Variants in CREB5 observed in about 807,000 individuals in gnomAD.
CREB5 encodes the protein cAMP responsive element binding protein 5, also known as cyclic AMP-responsive element-binding protein 5.
In CREB5, 19 loss-of-function variants were observed where a neutral mutation model predicts 57.1. The observed-to-expected ratio is 0.33, with a 90% CI of 0.23 to 0.49. CREB5 has a LOEUF of 0.49. Ranked by LOEUF, CREB5 falls within the 20% of genes least tolerant of loss-of-function variation. The pLI is 0.99. For synonymous variants in CREB5, 238 were observed against 238.3 expected (o/e 1.00, Z 0.01); for missense variants, 579 against 671.6 (o/e 0.86, Z 1.52).
chr7:28,613,020 C>G (rs1243208207), intron 5 of CREB5, among the ~76,000 whole-genome samples: 2 of 151,958 alleles, frequency 1.3e-5, no homozygotes, highest in Non-Finnish European at 2.9e-5. Context: ...TTGGAGTTAC[C>G]CAGGGGACTA....
chr7:28,469,329 C>T (rs1386415963), intron 1 of CREB5, among the ~76,000 whole-genome samples: 1 of 152,152 alleles, frequency 6.6e-6, no homozygotes, highest in Non-Finnish European at 1.5e-5. Context: ...TTTACTGAAT[C>T]CTGTTGTGCC....
At chr7:28,510,489 A>G (rs1792661777) in intron 4 of CREB5, among the ~76,000 whole-genome samples, 1 of 152,200 alleles carries the variant, frequency 6.6e-6, no homozygotes, top group South Asian at 2.1e-4. Flanking sequence ...TGTCTTACAC[A>G]AAAAATATTG....
chr7:28,600,317 C>T (rs1167324762), intron 5 of CREB5, among the ~76,000 whole-genome samples: 2 of 152,116 alleles, frequency 1.3e-5, no homozygotes, highest in African/African-American at 4.8e-5. Flanking sequence ...CATCTCCTCC[C>T]GTGTCCAGCT....
chr7:28,724,359 C>T lies in CREB5; in HGVS notation c.702+27C>T, dbSNP rs190133221. 1.4e-4 allele frequency: 222 copies of T among 1,567,236 alleles called. 3 individuals carry two copies. The Middle Eastern group carries it at 1.8e-3, about 13-fold the overall frequency. On this transcript the variant is annotated intron_variant, in intron 7 of 10. Transcript: ENST00000357727. ...TAAGTAACAGTTATAATCACCCTTT[C>T]ATTATTCTGTGACTTTTTCTTTTGA...
chr7:28,415,196 G>A (rs1354822885), intron 1 of CREB5, among the ~76,000 whole-genome samples: 6 of 152,078 alleles, frequency 3.9e-5, no homozygotes, highest in African/African-American at 1.5e-4. Context: ...GTTCTTTTAG[G>A]CCTAGAGATT....
chr7:28,739,429 C>T (rs1209132944), intron 7 of CREB5, among the ~76,000 whole-genome samples: 2 of 151,960 alleles, frequency 1.3e-5, no homozygotes, highest in Admixed American at 6.6e-5. Flanking sequence ...TGAGCTGAAA[C>T]CTGGAGATAC....
intron 1 of CREB5, among the ~76,000 whole-genome samples, chr7:28,339,254 C>T (rs1428338960): frequency 6.6e-6 from 1 of 152,024 alleles, no homozygotes; most frequent in African/African-American, 2.4e-5. Flanking sequence ...TGTTTGTAGC[C>T]ATCCTTCTTG....
intron 7 of CREB5, among the ~76,000 whole-genome samples, chr7:28,787,592 G>A (rs1456104402): frequency 6.6e-6 from 1 of 152,156 alleles, no homozygotes; most frequent in African/African-American, 2.4e-5. Flanking sequence ...TTTGAGACAA[G>A]GTTTTGCTCT....
chr7:28,752,026 G>A (rs1805006241), intron 7 of CREB5, among the ~76,000 whole-genome samples: 1 of 152,178 alleles, frequency 6.6e-6, no homozygotes, highest in Non-Finnish European at 1.5e-5. Flanking sequence ...TACTTCAGAG[G>A]TGATGTTGTA....
chr7:28,595,656 T>C (rs1220983698), intron 5 of CREB5, among the ~76,000 whole-genome samples: 1 of 152,194 alleles, frequency 6.6e-6, no homozygotes, highest in Admixed American at 6.5e-5. Flanking sequence ...TCTTTTTACT[T>C]CTCAACGCTT....
chr7:28,773,166 C>CA (rs1806423690), intron 7 of CREB5, among the ~76,000 whole-genome samples: 1 of 150,712 alleles, frequency 6.6e-6, no homozygotes, highest in Admixed American at 6.6e-5. Context: ...TTTCCAAAAA[C>CA]AAACAAAAAA....
chr7:28,580,594 A>T (rs1034628), intron 5 of CREB5, among the ~76,000 whole-genome samples: 69,098 of 119,846 alleles, frequency 0.58, 18,069 homozygotes, highest in East Asian at 0.81. Context: ...TGTGTGTGTG[A>T]GAGAGAGATA....
chr7:28,778,173 C>A (rs1369612969), intron 7 of CREB5, among the ~76,000 whole-genome samples: 6 of 152,202 alleles, frequency 3.9e-5, no homozygotes, highest in Admixed American at 2.0e-4. Flanking sequence ...TAAGAAAATA[C>A]TAAGAACTTG....
At chr7:28,396,239 A>G (rs1002469405) in intron 1 of CREB5, among the ~76,000 whole-genome samples, 1 of 152,242 alleles carries the variant, frequency 6.6e-6, no homozygotes, top group African/African-American at 2.4e-5. Context: ...GATACATGGC[A>G]TGGTGCCTGA....
In CREB5 at chr7:28,668,412, G is replaced by A. The variant is rs1394251137; in HGVS notation, c.465-50341G>A. Among the ~76,000 whole-genome samples, 3 of 152,024 alleles carry A rather than the reference G, an allele frequency of 2.0e-5. No individual in the cohort carries two copies. In the East Asian group the frequency reaches 5.8e-4, roughly 29 times the overall value. ...TCAAAGTTTATTTCTCATTATTTTAGTAATTACTTTTATTATATGTTTGTA... is the reference window on the plus strand; with the variant it reads ...TCAAAGTTTATTTCTCATTATTTTAATAATTACTTTTATTATATGTTTGTA... On this transcript the variant is annotated intron_variant, in intron 5 of 10. Transcript: ENST00000357727.
chr7:28,421,527 G>A (rs983222241), intron 1 of CREB5, among the ~76,000 whole-genome samples: 2 of 151,914 alleles, frequency 1.3e-5, no homozygotes, highest in Non-Finnish European at 2.9e-5. Context: ...TTGCACTTTG[G>A]GATAATGTAG....
At chr7:28,560,901 C>CGTGTGTGCGTGCGTGTGT (rs1368518820) in intron 4 of CREB5, among the ~76,000 whole-genome samples, 4 of 21,662 alleles carry the variant, frequency 1.8e-4, no homozygotes, top group Admixed American at 6.1e-4. Context: ...TGTGTGCGTG[C>CGTGTGTGCGTGCGTGTGT]GCGCGTGCGT....
intron 5 of CREB5, among the ~76,000 whole-genome samples, chr7:28,687,756 C>T (rs1169303634): frequency 3.3e-5 from 5 of 151,928 alleles, no homozygotes; most frequent in African/African-American, 1.2e-4. Flanking sequence ...TTCTCTCTTT[C>T]CTCCTTTTTT....
chr7:28,667,989 C>T (rs1799890845), intron 5 of CREB5, among the ~76,000 whole-genome samples: 2 of 152,180 alleles, frequency 1.3e-5, no homozygotes, highest in Admixed American at 6.5e-5. Flanking sequence ...CTTTCAGTCA[C>T]ATGAAGTTAA....
Sources: gnomAD v4.1 joint callset for allele counts (sites outside exome capture counted in the v4.1 genomes callset) on GRCh38, gnomAD v4.1.1 for gene constraint, MANE v1.5 for transcripts, NCBI Gene and HGNC (gene_info 2026-07-23, HGNC 2026-07-21) for gene names.